The following CBFB variants were observed in gnomAD, a reference collection of about 807,000 sequenced individuals.
CBFB encodes CBF-beta.
In CBFB, 9 loss-of-function variants were observed where a neutral mutation model predicts 30.4. That is an observed-to-expected ratio of 0.30 (90% confidence interval 0.18 to 0.52). CBFB has a LOEUF of 0.52. CBFB is among the 20% of genes least tolerant of loss of function. The pLI is 0.97. For missense variants in CBFB, 170 were observed against 244.0 expected (o/e 0.70, Z 2.02); for synonymous variants, 94 against 84.0 (o/e 1.12, Z -0.65).
At chr16:67,053,400 C>T (rs1960619732) in intron 3 of CBFB, among the ~76,000 whole-genome samples, 1 of 151,540 alleles carries the variant, frequency 6.6e-6, no homozygotes, top group East Asian at 1.9e-4. Context: ...ACTACGGGCC[C>T]CCTCACCACC....
At chr16:67,056,438 C>T (rs1960725583) in intron 3 of CBFB, among the ~76,000 whole-genome samples, 1 of 152,102 alleles carries the variant, frequency 6.6e-6, no homozygotes, top group South Asian at 2.1e-4. Context: ...TCTGCATTTC[C>T]CCTAGGAACA....
intron 3 of CBFB, among the ~76,000 whole-genome samples, chr16:67,047,804 C>G (rs975531346): frequency 3.3e-5 from 5 of 152,084 alleles, no homozygotes; most frequent in African/African-American, 1.2e-4. Context: ...TGCCGTGGCT[C>G]GTGCCTTTGG....
At chr16:67,036,473 G>A in intron 2 of CBFB, 166 bp from the exon 3 acceptor site, 1 of 543,096 alleles carries the variant, frequency 1.8e-6, no homozygotes, top group Non-Finnish European at 3.3e-6. Context: ...TCAGATGTTT[G>A]TAACTTAATA....
At chr16:67,041,833 G>C (rs1235510515) in intron 3 of CBFB, among the ~76,000 whole-genome samples, 4 of 147,024 alleles carry the variant, frequency 2.7e-5, no homozygotes, top group Non-Finnish European at 1.5e-5. Flanking sequence ...GGAGTGCAGT[G>C]GTGCAATCAT....
rs1298368174 is a variant in CBFB, at chr16:67,098,748, A to G, written c.534A>G (p.Leu178=). The G allele has an allele frequency of 6.2e-7, 1 of 1,610,410 alleles. No homozygotes were observed. The highest frequency in any genetic ancestry group is 1.7e-5 in the Admixed American group (1 of 59,986). The stretch of plus-strand genomic sequence containing the variant: ...AAGACCCTAGTCCTGGTTCCAATTT[A>G]GGTGGTGGTGATGACCTCAAACTTC... ...RQQDPSPGSN[L]GGGDDLKLR Residue 178 remains leucine (L), a synonymous_variant, in exon 6 of 6, where the codon TTA becomes TTG. Coordinates refer to ENST00000412916, the MANE Select transcript of CBFB (RefSeq NM_022845.3).
intron 3 of CBFB, among the ~76,000 whole-genome samples, chr16:67,048,287 T>C (rs1341106134): frequency 6.6e-6 from 1 of 152,048 alleles, no homozygotes; most frequent in African/African-American, 2.4e-5. Flanking sequence ...TTTTTTATTT[T>C]CCTTAAATGT....
chr16:67,044,823 C>A (rs1172411292), intron 3 of CBFB, among the ~76,000 whole-genome samples: 1 of 152,134 alleles, frequency 6.6e-6, no homozygotes, highest in Non-Finnish European at 1.5e-5. Context: ...TCAAGAAGTT[C>A]CTTCTCTGTA....
At chr16:67,035,891 A>G (rs912039228) in intron 2 of CBFB, among the ~76,000 whole-genome samples, 3 of 152,206 alleles carry the variant, frequency 2.0e-5, no homozygotes, top group Non-Finnish European at 2.9e-5. Flanking sequence ...ATATAGAGGT[A>G]ACTTGCTCAA....
chr16:67,097,344 G>A (rs1001904785), intron 5 of CBFB, among the ~76,000 whole-genome samples: 7 of 152,132 alleles, frequency 4.6e-5, no homozygotes, highest in African/African-American at 7.2e-5. Context: ...TCGGAAGTTC[G>A]AGACCAGCCT....
chr16:67,067,570 T>G (rs1310050692), intron 4 of CBFB, among the ~76,000 whole-genome samples: 2 of 152,132 alleles, frequency 1.3e-5, no homozygotes, highest in Non-Finnish European at 2.9e-5. Context: ...TGGAAGCTAT[T>G]GAATCTCAGT....
chr16:67,073,462 T>G (rs1056181457), intron 4 of CBFB, among the ~76,000 whole-genome samples: 1 of 152,112 alleles, frequency 6.6e-6, no homozygotes, highest in African/African-American at 2.4e-5. Flanking sequence ...AGAAGACATG[T>G]GACCAGATGC....
At chr16:67,052,385 C>T (rs1242129302) in intron 3 of CBFB, among the ~76,000 whole-genome samples, 7 of 152,056 alleles carry the variant, frequency 4.6e-5, no homozygotes, top group Admixed American at 4.6e-4. Flanking sequence ...GCCTGGTCAA[C>T]ATAGTGAGAC....
At chr16:67,052,733 G>T (rs1247037904) in intron 3 of CBFB, among the ~76,000 whole-genome samples, 1 of 152,104 alleles carries the variant, frequency 6.6e-6, no homozygotes, top group Non-Finnish European at 1.5e-5. Context: ...AGGTTAAGGA[G>T]GGAGGATTAC....
chr16:67,075,754 A>G (rs1961378377), intron 4 of CBFB, among the ~76,000 whole-genome samples: 1 of 152,208 alleles, frequency 6.6e-6, no homozygotes, highest in Non-Finnish European at 1.5e-5. Context: ...TGGTCACACA[A>G]ATACACTGAG....
rs139997973 is a variant in CBFB at position 67,045,444 on chromosome 16, G to A, written c.282+8689G>A. Among the ~76,000 whole-genome samples, 863 of 152,158 alleles carry A rather than the reference G, an allele frequency of 5.7e-3. 3 individuals are homozygous for A. Among genetic ancestry groups the A allele is most frequent in the African/African-American group, 0.019 (806 of 41,528 alleles). On this transcript the variant is annotated intron_variant, in intron 3 of 5. Transcript: ENST00000412916. ...AGGCAGGAGAATTGCTTGAACCCGG[G>A]AGGCGGAGGTTGCAGTGGGCTGAGA...
At position 67,041,880 on chromosome 16, in the gene CBFB, CAA is replaced by C. The variant is rs1207228234; in HGVS notation, c.282+5126_282+5127del. On this transcript the variant is annotated intron_variant, in intron 3 of 5. Transcript: ENST00000412916. Reference sequence around the variant, plus strand: ...ACCTCAAACCTCAAACTCCTAGGCTCAAGAGATCCTCCTGCCCTTCTTTTTTT... The same window carrying C: ...ACCTCAAACCTCAAACTCCTAGGCTCGAGATCCTCCTGCCCTTCTTTTTTT... Among the ~76,000 whole-genome samples the C allele has an allele frequency of 5.4e-5, 8 of 147,160 alleles. No individual in the cohort carries two copies. In the East Asian group the frequency reaches 1.6e-3, roughly 30 times the overall value.
chr16:67,033,104 ACCTCAGGT>A (rs1438199219), intron 2 of CBFB, among the ~76,000 whole-genome samples: 2 of 151,634 alleles, frequency 1.3e-5, no homozygotes, highest in African/African-American at 4.8e-5. Flanking sequence ...CAAACTCCTG[ACCTCAGGT>A]GATCCACCGA....
intron 5 of CBFB, among the ~76,000 whole-genome samples, chr16:67,095,391 C>A (rs887100772): frequency 6.6e-6 from 1 of 151,966 alleles, no homozygotes; most frequent in Admixed American, 6.6e-5. Flanking sequence ...GTGCTGCGTG[C>A]CTGTAGTTCC....
At chr16:67,087,799 G>A (rs577742813) in intron 5 of CBFB, among the ~76,000 whole-genome samples, 1 of 152,260 alleles carries the variant, frequency 6.6e-6, no homozygotes, top group South Asian at 2.1e-4. Flanking sequence ...TGCCTCAAGA[G>A]CCCTAATTTT....
Sources: allele counts gnomAD v4.1 joint callset (sites outside exome capture counted in the v4.1 genomes callset), GRCh38; gene constraint gnomAD v4.1.1; transcripts MANE v1.5; gene names NCBI Gene and HGNC (gene_info 2026-07-23, HGNC 2026-07-21).